Variants in TNRC6C observed in about 807,000 individuals in gnomAD.
TNRC6C encodes trinucleotide repeat-containing gene 6C protein.
A neutral mutation model predicts 153.7 loss-of-function variants in TNRC6C; 20 were observed. The observed-to-expected ratio is 0.13, with a 90% confidence interval of 0.09 to 0.19. TNRC6C has a LOEUF of 0.19. TNRC6C is among the 10% of genes least tolerant of loss of function. The probability of loss-of-function intolerance (pLI) is 1.00; values close to 1 mark genes in which losing one functional copy is unlikely to be tolerated. For synonymous variants in TNRC6C, 811 were observed against 841.4 expected (o/e 0.96, Z 0.63); for missense variants, 1,987 against 2,172.0 (o/e 0.91, Z 1.69).
intron 1 of TNRC6C, among the ~76,000 whole-genome samples, chr17:78,021,374 T>G (rs543978520): frequency 3.9e-4 from 60 of 152,376 alleles, no homozygotes; most frequent in African/African-American, 1.3e-3. Context: ...GTGCTTGTGC[T>G]CGTTCACTGG....
intron 3 of TNRC6C, among the ~76,000 whole-genome samples, chr17:78,064,188 C>T (rs976663451): frequency 6.6e-6 from 1 of 152,170 alleles, no homozygotes; most frequent in Non-Finnish European, 1.5e-5. Context: ...ACTTGGTTCC[C>T]GGGTTCAAGA....
intron 3 of TNRC6C, among the ~76,000 whole-genome samples, chr17:78,058,818 G>T (rs2072708916): frequency 6.6e-6 from 1 of 152,090 alleles, no homozygotes; most frequent in Admixed American, 6.5e-5. Flanking sequence ...GTCGGCAAAG[G>T]CTCTAGCCAG....
At chr17:78,023,716 G>A (rs562352513) in intron 1 of TNRC6C, among the ~76,000 whole-genome samples, 9 of 152,230 alleles carry the variant, frequency 5.9e-5, no homozygotes, top group African/African-American at 2.2e-4. Context: ...TGAGGTGGGA[G>A]GATCACCTGA....
chr17:77,964,124 A>G (rs1009581740), intron 1 of TNRC6C, among the ~76,000 whole-genome samples: 8 of 152,244 alleles, frequency 5.3e-5, no homozygotes, highest in African/African-American at 1.7e-4. Flanking sequence ...CCACTTTCTC[A>G]TGAACCTTTT....
intron 17 of TNRC6C, among the ~76,000 whole-genome samples, chr17:78,100,849 C>T (rs954469862): frequency 2.8e-5 from 4 of 143,510 alleles, no homozygotes; most frequent in Admixed American, 7.4e-5. Flanking sequence ...GATCTCGGCT[C>T]ACTGCAACCT....
chr17:78,067,610 A>G lies in TNRC6C; in HGVS notation c.2612-147A>G, dbSNP rs1567948902. ...TTACATATGTAGCAAGAGAAATTCA[A>G]TTCTGAGATCTGGGAGAAATGAAGG... On this transcript the variant is annotated intron_variant, in intron 4 of 19. Transcript: ENST00000301624. 1.1e-5 allele frequency: 9 copies of G among 827,302 alleles called. No individual in the cohort carries two copies. In the East Asian group the frequency reaches 1.2e-4, roughly 11 times the overall value. 51.2% of individuals were successfully genotyped at this position (827,302 alleles called of 1,614,324 possible).
At chr17:77,971,641 C>G (rs2070940760) in intron 1 of TNRC6C, among the ~76,000 whole-genome samples, 1 of 152,100 alleles carries the variant, frequency 6.6e-6, no homozygotes, top group African/African-American at 2.4e-5. Context: ...ATCGAGCCTT[C>G]ACAAACATTT....
chr17:78,108,821 C>A (rs1271774671), exon 20 of TNRC6C: 1 of 152,000 alleles, frequency 6.6e-6, no homozygotes, highest in Admixed American at 6.6e-5. Flanking sequence ...TTTTAAATGG[C>A]AGTTTCAGAC....
In TNRC6C at chr17:77,985,475, G is replaced by A. The variant is rs576412703; in HGVS notation, c.-37-18695G>A. Among the ~76,000 whole-genome samples the A allele has an allele frequency of 2.0e-3, 309 of 151,842 alleles. 3 individuals are homozygous for A. Among genetic ancestry groups the A allele is most frequent in the African/African-American group, 6.8e-3 (280 of 41,384 alleles). On this transcript the variant is annotated intron_variant, in intron 1 of 22. Coordinates refer to the TNRC6C transcript ENST00000636222. ...AAATTAGCCAGGTGTGGTGGCGGGC[G>A]CCTGTAGTCCCAGCTACTCGGGAGG...
intron 2 of TNRC6C, among the ~76,000 whole-genome samples, chr17:78,036,482 C>T (rs898997575): frequency 6.6e-6 from 1 of 151,968 alleles, no homozygotes; most frequent in African/African-American, 2.4e-5. Context: ...AGAGGATTTA[C>T]AGATAAAATT....
In TNRC6C at chr17:78,031,496, T is replaced by C; in HGVS notation, c.-545-20T>C. 8.1e-7 allele frequency: 1 copy of C among 1,232,114 alleles called. No individual in the cohort carries two copies. The highest frequency in any genetic ancestry group is 1.0e-6 in the Non-Finnish European group (1 of 987,928). 76.3% of individuals were successfully genotyped at this position (1,232,114 alleles called of 1,614,324 possible). On this transcript the variant is annotated intron_variant, in intron 1 of 19. Coordinates refer to ENST00000301624, the Ensembl canonical transcript of TNRC6C. ...GGTCTAGCTAAAGTTTTGGGTTCTT[T>C]TGCCTTTCATTCATTTTAGTGCCAG... is the stretch of plus-strand genomic sequence containing the variant.
chr17:78,040,143 A>G (rs2072263833), intron 2 of TNRC6C, among the ~76,000 whole-genome samples: 1 of 152,206 alleles, frequency 6.6e-6, no homozygotes, highest in African/African-American at 2.4e-5. Flanking sequence ...AAATTCATGT[A>G]TTGATTTGGA....
At chr17:78,005,936 A>G (rs1195359716) in intron 1 of TNRC6C, among the ~76,000 whole-genome samples, 2 of 152,196 alleles carry the variant, frequency 1.3e-5, no homozygotes, top group Non-Finnish European at 2.9e-5. Flanking sequence ...ATTGGTGCTC[A>G]GTAAAGGTTT....
chr17:77,980,945 A>G (rs1254879459), intron 1 of TNRC6C, among the ~76,000 whole-genome samples: 3 of 152,030 alleles, frequency 2.0e-5, no homozygotes, highest in African/African-American at 7.2e-5. Flanking sequence ...TCCAAACCCA[A>G]TCCTTTTGGG....
intron 1 of TNRC6C, among the ~76,000 whole-genome samples, chr17:77,971,857 T>C (rs1011754306): frequency 2.5e-5 from 3 of 121,308 alleles, no homozygotes; most frequent in African/African-American, 1.1e-4. Context: ...GAAGATATTT[T>C]TAAGTGAGTT....
intron 6 of TNRC6C, among the ~76,000 whole-genome samples, chr17:78,072,094 G>A (rs749610181): frequency 1.3e-5 from 2 of 152,220 alleles, no homozygotes; most frequent in African/African-American, 4.8e-5. Flanking sequence ...AATGAGTCCA[G>A]AATGGCCTCC....
rs1464390498 is a variant in TNRC6C at position 78,006,537 on chromosome 17, CTTCTTCTTCTTCTTCTT to C, written c.-546+1459_-546+1475del. Among the ~76,000 whole-genome samples the C allele has an allele frequency of 6.1e-4, 84 of 137,966 alleles. 1 individual carries two copies. The highest frequency in any genetic ancestry group is 1.7e-3 in the African/African-American group (57 of 33,610). The allele number at this position is 137,966 out of a possible 152,430, so 90.5% of individuals were successfully genotyped here. A position where few individuals can be genotyped will look rare whatever the true frequency, so the allele number is the denominator to read the frequency against. On this transcript the variant is annotated intron_variant, in intron 1 of 19. Coordinates refer to ENST00000301624, the Ensembl canonical transcript of TNRC6C. Reference sequence around the variant, plus strand: ...TCTTCTTCTTCTTCTTCTTCTTCTTCTTCTTCTTCTTCTTCTTCTTCTTCCTTCTTCCTTCTTCCTTC... The same window carrying C: ...TCTTCTTCTTCTTCTTCTTCTTCTTCCTTCTTCCTTCTTCCTTCTTCCTTC...
upstream of TNRC6C, among the ~76,000 whole-genome samples, chr17:78,002,611 G>C (rs2071430078): frequency 6.6e-6 from 1 of 152,164 alleles, no homozygotes; most frequent in African/African-American, 2.4e-5. Context: ...CTATTGTTCA[G>C]GCTGGGTGTG....
chr17:78,026,988 T>C (rs1400671039), intron 1 of TNRC6C, among the ~76,000 whole-genome samples: 1 of 152,042 alleles, frequency 6.6e-6, no homozygotes, highest in Non-Finnish European at 1.5e-5. Flanking sequence ...AGAAAGCTGA[T>C]GAGTATATGG....
Sources: allele counts gnomAD v4.1 joint callset (sites outside exome capture counted in the v4.1 genomes callset), GRCh38; gene constraint gnomAD v4.1.1; transcripts MANE v1.5; gene names NCBI Gene and HGNC (gene_info 2026-07-23, HGNC 2026-07-21).